The following DOCK5 variants were observed in gnomAD, a reference collection of about 807,000 sequenced individuals.
The protein encoded by DOCK5 is dedicator of cytokinesis 5, also known as dedicator of cytokinesis protein 5.
DOCK5 carries 142 observed loss-of-function variants against 251.8 expected under a neutral mutation model. That is an observed-to-expected ratio of 0.56 (90% CI 0.49 to 0.65). DOCK5 has a LOEUF of 0.65. Among genes scored for constraint, DOCK5 ranks in the 30% least tolerant of loss-of-function variants. The pLI is 0.00. For missense variants in DOCK5, 2,111 were observed against 2,312.3 expected (o/e 0.91, Z 1.79); for synonymous variants, 842 against 835.5 (o/e 1.01, Z -0.13).
intron 13 of DOCK5, 137 bp downstream of exon 13, chr8:25,310,669 G>A: frequency 1.0e-6 from 1 of 974,180 alleles, no homozygotes; most frequent in Non-Finnish European, 1.4e-6. Flanking sequence ...GACACAAACA[G>A]AGACACCTGC....
In DOCK5 at chr8:25,184,840, C is replaced by T. The variant is rs571959998; in HGVS notation, c.-69C>T. 1,975 of 1,240,720 alleles carry T rather than the reference C, an allele frequency of 1.6e-3. 38 individuals carry two copies. The African/African-American group carries it at 0.028, about 18-fold the overall frequency. 76.9% of individuals were successfully genotyped at this position (1,240,720 alleles called of 1,614,324 possible). A position where few individuals can be genotyped will look rare whatever the true frequency, so the allele number is the denominator to read the frequency against. ...GTCTGGGGCACGCAGGAGCGCGGGG[C>T]GGCGGCGGCCGGAGCCCGAGGAGCT... On this transcript the variant is annotated 5_prime_UTR_variant, in exon 1 of 52. Coordinates refer to ENST00000276440, the MANE Select transcript of DOCK5 (RefSeq NM_024940.8).
rs953136685 is a variant in DOCK5 at position 25,408,820 on chromosome 8, C to A, written c.5284C>A (p.Gln1762Lys). Reference sequence around the variant, plus strand: ...GTCCTAGAGCCCAACCAGAAAAGCACAAAGGCCAAAGAGTCTCCAGTTGAT... The same window carrying A: ...GTCCTAGAGCCCAACCAGAAAAGCAAAAAGGCCAAAGAGTCTCCAGTTGAT... The part of the protein sequence containing the change: ...PDLMSPTRKA[Q>K]RPKSLQLMDN... Residue 1762 changes from glutamine to lysine, a missense_variant, in exon 50 of 52, where the codon CAA becomes AAA. This residue lies in a region of DOCK5 where 1,717 missense variants were observed against 1,892.4 expected (regional missense o/e 0.91). Transcript: ENST00000276440. 2 of 1,613,868 alleles carry A rather than the reference C, an allele frequency of 1.2e-6. No homozygotes were observed. The highest frequency in any genetic ancestry group is 1.7e-5 in the Admixed American group (1 of 60,006).
In DOCK5 at chr8:25,308,823, A is replaced by C. The variant is rs147353389; in HGVS notation, c.1090A>C (p.Met364Leu). ...CTACATCCGCCAGAGGCAGCTCATC[A>C]TGTCGCCTTTGATAACATCACACGT... ...ETYIRQRQLI[M>L]SPLITSHVIG... Residue 364 changes from methionine (M) to leucine (L), a missense_variant, in exon 12 of 52, where the codon ATG (methionine) becomes CTG (leucine). Met to Leu is a conservative substitution (Grantham distance 15). This residue lies in a region of DOCK5 where 1,717 missense variants were observed against 1,892.4 expected (regional missense o/e 0.91). Transcript: ENST00000276440. The C allele has an allele frequency of 6.2e-7, 1 of 1,613,792 alleles. No homozygotes were observed. Among genetic ancestry groups the C allele is most frequent in the African/African-American group, 1.3e-5 (1 of 74,918 alleles).
At chr8:25,336,679 A>G (rs1805817519) in intron 22 of DOCK5, among the ~76,000 whole-genome samples, 1 of 152,216 alleles carries the variant, frequency 6.6e-6, no homozygotes, top group African/African-American at 2.4e-5. Context: ...GTGCAAATCT[A>G]GGATCATGAT....
intron 15 of DOCK5, among the ~76,000 whole-genome samples, chr8:25,320,458 A>G (rs1805393734): frequency 6.6e-6 from 1 of 152,192 alleles, no homozygotes; most frequent in African/African-American, 2.4e-5. Context: ...AGATACTTGC[A>G]TAAGGTTCCA....
chr8:25,193,303 T>C lies in DOCK5; in HGVS notation c.43+8352T>C, dbSNP rs909667120. 7.2e-5 allele frequency among the ~76,000 whole-genome samples: 11 copies of C among 152,090 alleles called. No homozygotes were observed. In the South Asian group the frequency reaches 2.1e-3, roughly 29 times the overall value. On this transcript the variant is annotated intron_variant, in intron 1 of 51. Coordinates refer to ENST00000276440, the MANE Select transcript of DOCK5 (RefSeq NM_024940.8). ...AGTTGGTTCACTAACATTGAGCCCA[T>C]GGCAAAAAGCACTGTAACTCATGCC... is the stretch of plus-strand genomic sequence containing the variant.
At chr8:25,312,907 G>A (rs1389696896) in intron 13 of DOCK5, among the ~76,000 whole-genome samples, 3 of 152,070 alleles carry the variant, frequency 2.0e-5, no homozygotes, top group East Asian at 1.9e-4. Context: ...TCCAGCCTGG[G>A]CAACAGAGTA....
At chr8:25,254,833 C>G (rs570590708) in intron 2 of DOCK5, among the ~76,000 whole-genome samples, 1 of 112,210 alleles carries the variant, frequency 8.9e-6, no homozygotes, top group African/African-American at 3.3e-5. Context: ...TTATCTAAAA[C>G]GTATAAAGAG....
chr8:25,410,979 GCGCGCA>G (rs1189164283), intron 51 of DOCK5, among the ~76,000 whole-genome samples: 3 of 115,668 alleles, frequency 2.6e-5, no homozygotes, highest in African/African-American at 7.0e-5. Context: ...GTGTGCGCGC[GCGCGCA>G]CGCACGCACG....
chr8:25,376,672 C>G (rs1800968490), intron 37 of DOCK5: 1 of 153,116 alleles, frequency 6.5e-6, no homozygotes, highest in Non-Finnish European at 1.5e-5. Flanking sequence ...CATGGTATGA[C>G]TTTCCATTTG....
intron 30 of DOCK5, 157 bp downstream of exon 30, chr8:25,364,861 G>C: frequency 1.8e-6 from 1 of 562,836 alleles, no homozygotes; most frequent in Non-Finnish European, 3.1e-6. Flanking sequence ...CTGTCACACT[G>C]TCCTCCAAAC....
At chr8:25,358,930 A>G in intron 27 of DOCK5, 33 bp from the exon 28 acceptor site, 3 of 1,583,646 alleles carry the variant, frequency 1.9e-6, no homozygotes, top group Non-Finnish European at 1.7e-6. Context: ...TGGTCTAAGG[A>G]GTCTTGGATT....
chr8:25,218,955 T>G (rs1802316057), intron 1 of DOCK5, among the ~76,000 whole-genome samples: 1 of 152,196 alleles, frequency 6.6e-6, no homozygotes. Flanking sequence ...CTTTCCTTCG[T>G]CTTCTTCTCA....
At chr8:25,341,871 G>A (rs1805964259) in intron 24 of DOCK5, 62 bp downstream of exon 24, 1 of 1,368,050 alleles carries the variant, frequency 7.3e-7, no homozygotes, top group African/African-American at 1.5e-5. Context: ...CTGCTTGGCT[G>A]GAGCCTGGGC....
intron 1 of DOCK5, among the ~76,000 whole-genome samples, chr8:25,233,018 A>C (rs936135660): frequency 6.6e-6 from 1 of 151,950 alleles, no homozygotes; most frequent in Non-Finnish European, 1.5e-5. Flanking sequence ...GGAACCTTCT[A>C]CACATCTCTA....
chr8:25,275,895 G>C (rs1041132616), intron 4 of DOCK5, among the ~76,000 whole-genome samples: 2 of 152,202 alleles, frequency 1.3e-5, no homozygotes, highest in African/African-American at 4.8e-5. Context: ...TCCTATGAGA[G>C]AGAAATGAAG....
intron 34 of DOCK5, among the ~76,000 whole-genome samples, chr8:25,369,880 G>C (rs1420723915): frequency 1.3e-5 from 2 of 152,198 alleles, no homozygotes; most frequent in African/African-American, 4.8e-5. Context: ...ACAGCAGATG[G>C]AGGCAAGGAG....
At chr8:25,253,010 G>A (rs1803313059) in intron 2 of DOCK5, among the ~76,000 whole-genome samples, 1 of 152,132 alleles carries the variant, frequency 6.6e-6, no homozygotes, top group Admixed American at 6.5e-5. Context: ...TTTTAGTAGA[G>A]ACGTGGTTTT....
intron 37 of DOCK5, 39 bp downstream of exon 37, chr8:25,374,693 A>G: frequency 6.2e-7 from 1 of 1,613,632 alleles, no homozygotes. Context: ...AGGGTGGAGT[A>G]CAGTGTCCTT....
Sources: gnomAD v4.1 joint callset for allele counts (sites outside exome capture counted in the v4.1 genomes callset) on GRCh38, gnomAD v4.1.1 for gene constraint, gnomAD v4.1.1 regional missense constraint, MANE v1.5 for transcripts, NCBI Gene and HGNC (gene_info 2026-07-23, HGNC 2026-07-21) for gene names.